TPH1: variants seen among roughly 807,000 people sequenced by gnomAD.
The protein encoded by TPH1 is tryptophan hydroxylase 1.
A neutral mutation model predicts 49.5 loss-of-function variants in TPH1; 37 were observed. That is an observed-to-expected ratio of 0.75 (90% CI 0.58 to 0.98). The LOEUF is 0.98. TPH1 is among the 50% of genes least tolerant of loss of function. The pLI, the probability that TPH1 is intolerant of heterozygous loss-of-function variation, is 0.00. For synonymous variants in TPH1, 160 were observed against 182.1 expected, an observed-to-expected ratio of 0.88 and a Z score of 0.98; for missense variants, 487 against 523.6, an observed-to-expected ratio of 0.93 and a Z score of 0.68.
intron 9 of TPH1, among the ~76,000 whole-genome samples, chr11:18,023,354 A>G (rs536090776): frequency 6.4e-4 from 97 of 152,310 alleles, no homozygotes; most frequent in African/African-American, 2.2e-3. Flanking sequence ...GAGTTTATTT[A>G]TTCATTGAAT....
Position 18,030,514 on chromosome 11 carries a change from T to C in TPH1, c.403-935A>G, listed in dbSNP as rs1847977135. On this transcript the variant is annotated intron_variant, in intron 4 of 10. Coordinates refer to ENST00000682019, the MANE Select transcript of TPH1 (RefSeq NM_004179.3). ...ATCTGAAAAGAGAGAATGAGACTCA[T>C]CTCTTTAATACAGATCTATGAGGTA... Among the ~76,000 whole-genome samples, 3 of 152,050 alleles carry C rather than the reference T, an allele frequency of 2.0e-5. No homozygotes were observed. The South Asian group carries it at 6.2e-4, about 32-fold the overall frequency.
chr11:18,038,255 T>C (rs1848064398), intron 2 of TPH1, among the ~76,000 whole-genome samples: 2 of 152,000 alleles, frequency 1.3e-5, no homozygotes, highest in South Asian at 4.2e-4. Flanking sequence ...GTTTAAAGAG[T>C]TGAAAATGGT....
At chr11:18,037,270 G>A (rs1018096705) in intron 2 of TPH1, among the ~76,000 whole-genome samples, 2 of 151,626 alleles carry the variant, frequency 1.3e-5, no homozygotes, top group African/African-American at 4.8e-5. Context: ...AGGTGGGAGG[G>A]TCACTTGAGA....
intron 2 of TPH1, among the ~76,000 whole-genome samples, chr11:18,038,730 T>C (rs1221530363): frequency 1.3e-5 from 2 of 152,190 alleles, no homozygotes; most frequent in Non-Finnish European, 2.9e-5. Context: ...TTTAAAAATA[T>C]GTTTTATAGT....
In TPH1 at chr11:18,026,633, G is replaced by A. The variant is rs377512139; in HGVS notation, c.668-8C>T. ...TGGAAAAACCTGTACGCTCTGCAAA[G>A]CAAAGGAGAAAACAAAGAAAATCTT... On this transcript the variant is annotated splice_polypyrimidine_tract_variant and splice_region_variant and intron_variant, in intron 6 of 10. Coordinates refer to ENST00000682019, the MANE Select transcript of TPH1 (RefSeq NM_004179.3). 3 of 1,613,952 alleles carry A rather than the reference G, an allele frequency of 1.9e-6. No homozygotes were observed. Among genetic ancestry groups the A allele is most frequent in the African/African-American group, 2.7e-5 (2 of 75,020 alleles).
At chr11:18,039,282 GAT>G (rs1316343444) in intron 2 of TPH1, among the ~76,000 whole-genome samples, 1 of 152,128 alleles carries the variant, frequency 6.6e-6, no homozygotes, top group African/African-American at 2.4e-5. Context: ...GCATTTTAGA[GAT>G]ATTAACTCTA....
chr11:18,032,392 C>T (rs747892717), intron 4 of TPH1, among the ~76,000 whole-genome samples: 2 of 152,002 alleles, frequency 1.3e-5, no homozygotes, highest in Non-Finnish European at 2.9e-5. Flanking sequence ...ATGCTGTCTT[C>T]GTTTTAGTAT....
intron 3 of TPH1, 54 bp downstream of exon 3, chr11:18,035,905 G>C: frequency 7.2e-7 from 1 of 1,392,390 alleles, no homozygotes; most frequent in Non-Finnish European, 1.0e-6. Flanking sequence ...TATAAGGCTG[G>C]ACACACATTA....
In TPH1 at chr11:18,018,617, G is replaced by A. The variant is rs2134022739; in HGVS notation, c.*2374C>T. ...GGAGGTGGAGCTTGCAGTGAGCCAAGATCGCACCACTGCACTCCAGCCTGG... is the reference window on the plus strand; with the variant it reads ...GGAGGTGGAGCTTGCAGTGAGCCAAAATCGCACCACTGCACTCCAGCCTGG... On this transcript the variant is annotated 3_prime_UTR_variant, in exon 11 of 11. Coordinates refer to ENST00000682019, the MANE Select transcript of TPH1 (RefSeq NM_004179.3). 1 of 123,044 alleles carries A rather than the reference G, an allele frequency of 8.1e-6. No homozygotes were observed. Among genetic ancestry groups the A allele is most frequent in the African/African-American group, 3.1e-5 (1 of 32,722 alleles). 7.6% of individuals were successfully genotyped at this position (123,044 alleles called of 1,614,324 possible). A position where few individuals can be genotyped will look rare whatever the true frequency, so the allele number is the denominator to read the frequency against.
At position 18,021,078 on chromosome 11, in the gene TPH1, G is replaced by A. The variant is rs1854356558; in HGVS notation, c.1248C>T (p.Ser416=). 2 of 1,614,078 alleles carry A rather than the reference G, an allele frequency of 1.2e-6. No homozygotes were observed. The highest frequency in any genetic ancestry group is 1.7e-6 in the Non-Finnish European group (2 of 1,179,976). The change falls in exon 11 of 11, where the codon AGC becomes AGT. Residue 416 remains serine, a synonymous_variant. Transcript: ENST00000682019. ...GCAGCTCATTCATGGCACTGGTTAT[G>A]CTCTTGGTGTCTTTCAGGATCTGAA... The part of the protein sequence containing the change: ...RSIQILKDTK[S]ITSAMNELQH...
intron 9 of TPH1, 104 bp from the exon 10 acceptor site, chr11:18,023,035 C>T (rs753288648): frequency 1.8e-5 from 22 of 1,233,772 alleles, no homozygotes; most frequent in Non-Finnish European, 2.4e-5. Flanking sequence ...AATGCAATGG[C>T]CCCAATCTAC....
intron 8 of TPH1, 89 bp downstream of exon 8, chr11:18,025,486 A>C: frequency 6.3e-7 from 1 of 1,583,742 alleles, no homozygotes; most frequent in South Asian, 1.1e-5. Flanking sequence ...CAAATTTTCT[A>C]ATGGTCATTC....
rs779663112 is a variant in TPH1 at position 18,021,004 on chromosome 11, T to G, written c.1322A>C (p.Lys441Thr). Residue 441 changes from lysine (K) to threonine (T), a missense_variant, in exon 11 of 11, where the codon AAG (lysine) becomes ACG (threonine). Transcript: ENST00000682019. ...GACTGGCTACTGTTAGATACTCGGCTTCCTGCTGACCTTAGCAAGGGCATC... is the reference window on the plus strand; with the variant it reads ...GACTGGCTACTGTTAGATACTCGGCGTCCTGCTGACCTTAGCAAGGGCATC... ...VSDALAKVSR[K>T]PSI The G allele has an allele frequency of 6.2e-7, 1 of 1,614,046 alleles. No homozygotes were observed. The highest frequency in any genetic ancestry group is 1.1e-5 in the South Asian group (1 of 91,060).
chr11:18,034,609 T>C (rs1466745500), intron 3 of TPH1, among the ~76,000 whole-genome samples: 2 of 152,170 alleles, frequency 1.3e-5, no homozygotes, highest in East Asian at 3.9e-4. Flanking sequence ...GATATATCAG[T>C]ATTTTAATAA....
At position 18,024,529 on chromosome 11, in the gene TPH1, T is replaced by C. The variant is rs573834442; in HGVS notation, c.931-546A>G. On this transcript the variant is annotated intron_variant, in intron 8 of 10. Coordinates refer to ENST00000682019, the MANE Select transcript of TPH1 (RefSeq NM_004179.3). ...ATGCGGTTATCTAGTTAGAAAAGCA[T>C]TGAATATCTTAACAGTCTTTTTGGA... is the stretch of plus-strand genomic sequence containing the variant. Among the ~76,000 whole-genome samples, 19 of 152,342 alleles carry C rather than the reference T, an allele frequency of 1.2e-4. No individual in the cohort carries two copies. In the South Asian group the frequency reaches 1.9e-3, roughly 15 times the overall value.
intron 7 of TPH1, 95 bp from the exon 8 acceptor site, chr11:18,025,796 T>C (rs1222878806): frequency 2.0e-6 from 3 of 1,516,722 alleles, no homozygotes; most frequent in Non-Finnish European, 2.7e-6. Flanking sequence ...TTTATTCTAA[T>C]GATCGGGTGA....
Position 18,029,507 on chromosome 11 carries a change from C to T in TPH1, c.470+5G>A, listed in dbSNP as rs768355187. ...AGTTGACTATATTTTTTTAAATATA[C>T]TTACTGTTTATAGTTCATAGCCAAG... On this transcript the variant is annotated splice_donor_5th_base_variant and intron_variant, in intron 5 of 10. Transcript: ENST00000682019. The T allele has an allele frequency of 6.2e-7, 1 of 1,605,408 alleles. No homozygotes were observed. Among genetic ancestry groups the T allele is most frequent in the Non-Finnish European group, 8.5e-7 (1 of 1,173,112 alleles).
At position 18,020,135 on chromosome 11, in the gene TPH1, A is replaced by C. The variant is rs547072094; in HGVS notation, c.*856T>G. On this transcript the variant is annotated 3_prime_UTR_variant, in exon 11 of 11. Transcript: ENST00000682019. ...CAATCCCATTATAATACCTAGGACC[A>C]CATGTCTGAGTACAGCCCCATGCAA... 141 of 186,544 alleles carry C rather than the reference A, an allele frequency of 7.6e-4. 3 individuals are homozygous for C. The South Asian group carries it at 0.016, about 21-fold the overall frequency. 11.6% of individuals were successfully genotyped at this position (186,544 alleles called of 1,614,324 possible). A position where few individuals can be genotyped will look rare whatever the true frequency, so the allele number is the denominator to read the frequency against.
Position 18,026,634 on chromosome 11 carries a change from C to T in TPH1, c.668-9G>A, listed in dbSNP as rs371291157. The T allele has an allele frequency of 6.2e-7, 1 of 1,613,846 alleles. No individual in the cohort carries two copies. The highest frequency in any genetic ancestry group is 8.5e-7 in the Non-Finnish European group (1 of 1,179,936). On this transcript the variant is annotated splice_polypyrimidine_tract_variant and intron_variant, in intron 6 of 10. Transcript: ENST00000682019. ...GGAAAAACCTGTACGCTCTGCAAAG[C>T]AAAGGAGAAAACAAAGAAAATCTTT...
Sources: allele counts gnomAD v4.1 joint callset (sites outside exome capture counted in the v4.1 genomes callset), GRCh38; gene constraint gnomAD v4.1.1; transcripts MANE v1.5; gene names NCBI Gene and HGNC (gene_info 2026-07-23, HGNC 2026-07-21).